Variants in CNTNAP5 observed in about 807,000 individuals in gnomAD.
CNTNAP5 encodes the protein contactin-associated protein-like 5.
CNTNAP5 carries 72 observed loss-of-function variants against 150.2 expected under a neutral mutation model. The observed-to-expected ratio is 0.48, with a 90% CI of 0.40 to 0.58. CNTNAP5 has a LOEUF of 0.58. Among genes scored for constraint, CNTNAP5 ranks in the 20% least tolerant of loss-of-function variants. The pLI, the probability that CNTNAP5 is intolerant of heterozygous loss-of-function variation, is 0.00. For missense variants in CNTNAP5, 1,636 were observed against 1,626.2 expected (o/e 1.01, Z -0.10); for synonymous variants, 672 against 619.8 (o/e 1.08, Z -1.25).
At chr2:124,440,071 A>C (rs182276964) in intron 5 of CNTNAP5, among the ~76,000 whole-genome samples, 343 of 152,294 alleles carry the variant, frequency 2.3e-3, no homozygotes, top group Non-Finnish European at 4.0e-3. Context: ...TGTAACCCCT[A>C]TTCTTTGAGT....
At chr2:124,200,694 A>G (rs1685708736) in intron 1 of CNTNAP5, among the ~76,000 whole-genome samples, 1 of 152,200 alleles carries the variant, frequency 6.6e-6, no homozygotes, top group African/African-American at 2.4e-5. Flanking sequence ...CTAATTCTCA[A>G]TCTGTAACCT....
intron 1 of CNTNAP5, among the ~76,000 whole-genome samples, chr2:124,074,491 TA>T (rs943818427): frequency 4.9e-4 from 75 of 152,168 alleles, no homozygotes; most frequent in African/African-American, 1.7e-3. Flanking sequence ...CCACAAAAAT[TA>T]AAAAACCATT....
chr2:124,546,277 A>G (rs1298750318), intron 10 of CNTNAP5, among the ~76,000 whole-genome samples: 1 of 152,132 alleles, frequency 6.6e-6, no homozygotes, highest in Non-Finnish European at 1.5e-5. Flanking sequence ...TGTTAATGGT[A>G]GTCTGTGGAA....
In CNTNAP5 at chr2:124,637,635, G is replaced by A. The variant is rs565246181; in HGVS notation, c.1877-10123G>A. The stretch of plus-strand genomic sequence containing the variant: ...CTCAACATTTCCTCCCAATATGGTA[G>A]GGATCCTGACTCTTTTAAGTTATTA... On this transcript the variant is annotated intron_variant, in intron 12 of 23. Coordinates refer to ENST00000682447, the MANE Select transcript of CNTNAP5 (RefSeq NM_001367498.1). Among the ~76,000 whole-genome samples, 27 of 152,214 alleles carry A rather than the reference G, an allele frequency of 1.8e-4. No homozygotes were observed. The South Asian group carries it at 5.4e-3, about 30-fold the overall frequency.
chr2:124,663,232 T>G (rs1164054871), intron 13 of CNTNAP5, among the ~76,000 whole-genome samples: 3 of 152,180 alleles, frequency 2.0e-5, no homozygotes, highest in African/African-American at 7.2e-5. Context: ...AATCCTTGCT[T>G]AAATCAGCCA....
chr2:124,474,990 C>T, intron 7 of CNTNAP5, 108 bp downstream of exon 7: 5 of 882,952 alleles, frequency 5.7e-6, no homozygotes, highest in Non-Finnish European at 8.4e-6. Flanking sequence ...ATCTTATGCT[C>T]TGAGTTCCCA....
intron 6 of CNTNAP5, among the ~76,000 whole-genome samples, chr2:124,455,138 T>G (rs1057493206): frequency 3.3e-5 from 5 of 151,546 alleles, no homozygotes; most frequent in African/African-American, 9.7e-5. Context: ...TAAATAAAAT[T>G]TATAGACCAT....
intron 1 of CNTNAP5, among the ~76,000 whole-genome samples, chr2:124,103,993 C>T (rs114169251): frequency 0.093 from 13,588 of 146,860 alleles, 755 homozygotes; most frequent in Non-Finnish European, 0.13. Context: ...ATATGTACTG[C>T]ATATGAATTA....
rs1573525170 is a variant in CNTNAP5 at position 124,653,910 on chromosome 2, A to AC, written c.2077+5952_2077+5953insC. On this transcript the variant is annotated intron_variant, in intron 13 of 23. Transcript: ENST00000682447. Reference sequence around the variant, plus strand: ...ACAGAAACATGCCCCCACTGCCCCCAACCCCCCCCCCCCGCCACACACACA... The same window carrying AC: ...ACAGAAACATGCCCCCACTGCCCCCACACCCCCCCCCCCCGCCACACACACA... 8.0e-3 allele frequency among the ~76,000 whole-genome samples: 147 copies of AC among 18,358 alleles called. 1 individual carries two copies. Among genetic ancestry groups the AC allele is most frequent in the African/African-American group, 0.015 (70 of 4,708 alleles). 12.0% of individuals were successfully genotyped at this position (18,358 alleles called of 152,430 possible).
At position 124,504,352 on chromosome 2, in the gene CNTNAP5, A is replaced by G. The variant is rs370731814; in HGVS notation, c.1123A>G (p.Ser375Gly). The G allele has an allele frequency of 4.3e-5, 69 of 1,613,772 alleles. No individual in the cohort carries two copies. In the African/African-American group the frequency reaches 8.8e-4, roughly 21 times the overall value. ...QIVPITFVNS[S>G]GSYLLLPGTP... is the part of the protein sequence containing the mutation. Reference sequence around the variant, plus strand: ...TGTGCCCATCACATTTGTCAACTCCAGCGGCAGCTATTTGCTGCTGCCCGG... The same window carrying G: ...TGTGCCCATCACATTTGTCAACTCCGGCGGCAGCTATTTGCTGCTGCCCGG... The change falls in exon 8 of 24, where the codon AGC becomes GGC. Residue 375 changes from serine (S) to glycine (G), a missense_variant. Transcript: ENST00000682447.
chr2:124,177,687 A>G (rs939445710), intron 1 of CNTNAP5, among the ~76,000 whole-genome samples: 25 of 152,308 alleles, frequency 1.6e-4, no homozygotes, highest in Middle Eastern at 3.4e-3. Flanking sequence ...ACGCACACAA[A>G]GCACACACAA....
At chr2:124,368,438 T>C (rs1690431153) in intron 3 of CNTNAP5, among the ~76,000 whole-genome samples, 1 of 152,132 alleles carries the variant, frequency 6.6e-6, no homozygotes, top group African/African-American at 2.4e-5. Context: ...TGGCAATATC[T>C]ACCAAAATTA....
At chr2:124,232,801 A>G (rs1017857104) in intron 2 of CNTNAP5, among the ~76,000 whole-genome samples, 4 of 152,152 alleles carry the variant, frequency 2.6e-5, no homozygotes, top group Non-Finnish European at 5.9e-5. Flanking sequence ...CTTTTCTACA[A>G]AAAATATCCA....
intron 13 of CNTNAP5, among the ~76,000 whole-genome samples, chr2:124,707,947 A>T (rs1048697556): frequency 3.9e-5 from 6 of 152,202 alleles, no homozygotes; most frequent in African/African-American, 1.2e-4. Flanking sequence ...AAAACTTTTA[A>T]AAAAAATCAC....
At chr2:124,649,954 A>C (rs1678284994) in intron 13 of CNTNAP5, among the ~76,000 whole-genome samples, 7 of 152,258 alleles carry the variant, frequency 4.6e-5, no homozygotes. Flanking sequence ...CAATGTAAAT[A>C]GAATAATTGT....
At chr2:124,836,791 CAGAG>C (rs1682838214) in intron 19 of CNTNAP5, among the ~76,000 whole-genome samples, 1 of 152,036 alleles carries the variant, frequency 6.6e-6, no homozygotes, top group Admixed American at 6.6e-5. Context: ...TGCTCTTGCC[CAGAG>C]AGGTCATAAT....
intron 11 of CNTNAP5, among the ~76,000 whole-genome samples, chr2:124,565,950 T>TA (rs1553480216): frequency 2.0e-5 from 2 of 101,898 alleles, no homozygotes; most frequent in Non-Finnish European, 4.4e-5. Flanking sequence ...AATTGAGGGA[T>TA]CCTTTTTTTT....
intron 3 of CNTNAP5, among the ~76,000 whole-genome samples, chr2:124,314,109 T>C (rs1359001735): frequency 6.6e-6 from 1 of 152,196 alleles, no homozygotes; most frequent in Non-Finnish European, 1.5e-5. Flanking sequence ...ATTTTCCAAG[T>C]ACCAGATTCA....
intron 13 of CNTNAP5, among the ~76,000 whole-genome samples, chr2:124,698,852 C>T (rs1033784044): frequency 2.6e-5 from 4 of 152,158 alleles, no homozygotes; most frequent in Non-Finnish European, 2.9e-5. Flanking sequence ...GAGAGACTCA[C>T]TCTGCCCTCT....
Sources: gnomAD v4.1 joint callset for allele counts (sites outside exome capture counted in the v4.1 genomes callset) on GRCh38, gnomAD v4.1.1 for gene constraint, MANE v1.5 for transcripts, NCBI Gene and HGNC (gene_info 2026-07-23, HGNC 2026-07-21) for gene names.